The following COG6 variants were observed in gnomAD, a reference collection of about 807,000 sequenced individuals.
COG6 encodes component of oligomeric golgi complex 6, also known as conserved oligomeric Golgi complex subunit 6.
Under a neutral mutation model 88.8 loss-of-function variants are expected in COG6, and 74 were observed. That is an observed-to-expected ratio of 0.83 (90% confidence interval 0.69 to 1.01). The LOEUF is 1.01. Ranked by LOEUF, COG6 falls within the 50% of genes least tolerant of loss-of-function variation. The pLI is 0.00. For missense variants in COG6, 800 were observed against 797.9 expected (o/e 1.00, Z -0.03); for synonymous variants, 286 against 278.7 (o/e 1.03, Z -0.26).
intron 18 of COG6, among the ~76,000 whole-genome samples, chr13:39,778,534 C>T (rs9532433): frequency 6.6e-6 from 1 of 152,146 alleles, no homozygotes; most frequent in African/African-American, 2.4e-5. Context: ...ATAGCAGTAA[C>T]GTGTAGATTC....
Position 39,719,308 on chromosome 13 carries a change from T to A in COG6, c.1357T>A (p.Leu453Ile). 1 of 1,612,916 alleles carries A rather than the reference T, an allele frequency of 6.2e-7. No homozygotes were observed. The highest frequency in any genetic ancestry group is 8.5e-7 in the Non-Finnish European group (1 of 1,179,210). Residue 453 changes from leucine (L) to isoleucine (I), a missense_variant, in exon 14 of 19, where the codon TTA (leucine) becomes ATA (isoleucine). Coordinates refer to ENST00000455146, the MANE Select transcript of COG6 (RefSeq NM_020751.3). Reference sequence around the variant, plus strand: ...GACACTCATGTTGCTGCGTGAAGTTTTAGCATCTCACGATTCTTCAGTTGT... The same window carrying A: ...GACACTCATGTTGCTGCGTGAAGTTATAGCATCTCACGATTCTTCAGTTGT... ...NQTLMLLREV[L>I]ASHDSSVVPL...
intron 5 of COG6, 74 bp downstream of exon 5, chr13:39,677,653 G>A: frequency 1.3e-6 from 1 of 798,436 alleles, no homozygotes; most frequent in Non-Finnish European, 2.0e-6. Flanking sequence ...CTTTTTTGAA[G>A]CTTTATTTTC....
intron 13 of COG6, among the ~76,000 whole-genome samples, chr13:39,708,698 C>T (rs976756919): frequency 7.9e-5 from 12 of 152,096 alleles, no homozygotes; most frequent in African/African-American, 2.9e-4. Context: ...TACCTAATAC[C>T]ATGTTCTCAT....
At chr13:39,676,545 C>T (rs145696919) in intron 4 of COG6, among the ~76,000 whole-genome samples, 274 of 152,182 alleles carry the variant, frequency 1.8e-3, no homozygotes, top group African/African-American at 6.1e-3. Flanking sequence ...TCAGTAGGAG[C>T]ATTAGCATTC....
chr13:39,774,982 G>A (rs1881422449), intron 18 of COG6, among the ~76,000 whole-genome samples: 2 of 152,178 alleles, frequency 1.3e-5, no homozygotes. Flanking sequence ...CATTAAAAGA[G>A]GCTATAAAAA....
chr13:39,782,866 C>G (rs1881671491), intron 18 of COG6, among the ~76,000 whole-genome samples: 1 of 152,192 alleles, frequency 6.6e-6, no homozygotes, highest in Non-Finnish European at 1.5e-5. Context: ...AGGTTAAAAA[C>G]TAGGACTTTG....
At chr13:39,706,299 A>ATATATATATATATATTTAAATATAT (rs1877923659) in intron 13 of COG6, among the ~76,000 whole-genome samples, 1 of 145,150 alleles carries the variant, frequency 6.9e-6, no homozygotes, top group South Asian at 2.2e-4. Context: ...ATAGAGAGAG[A>ATATATATATATATATTTAAATATAT]ATGAGGAAAT....
intron 18 of COG6, among the ~76,000 whole-genome samples, chr13:39,774,634 G>T (rs1348018443): frequency 6.6e-6 from 1 of 151,814 alleles, no homozygotes; most frequent in East Asian, 1.9e-4. Context: ...GAGTGCAGTG[G>T]TGCCATCTCA....
chr13:39,754,704 C>G (rs1166117263), downstream of COG6, among the ~76,000 whole-genome samples: 1 of 151,998 alleles, frequency 6.6e-6, no homozygotes, highest in Non-Finnish European at 1.5e-5. Flanking sequence ...TTCTTAAGTA[C>G]CTACTAGGTA....
intron 18 of COG6, among the ~76,000 whole-genome samples, chr13:39,750,318 G>A (rs1324977421): frequency 6.6e-6 from 1 of 152,068 alleles, no homozygotes; most frequent in Non-Finnish European, 1.5e-5. Flanking sequence ...AACCAATACT[G>A]TTTTTTCTAG....
At chr13:39,657,505 C>G (rs1450395119) in intron 1 of COG6, among the ~76,000 whole-genome samples, 1 of 147,810 alleles carries the variant, frequency 6.8e-6, no homozygotes, top group East Asian at 2.0e-4. Context: ...AGGCTATAGT[C>G]TAAAGAAACT....
chr13:39,687,776 T>G lies in COG6; in HGVS notation c.986T>G (p.Leu329Arg). 6.2e-7 allele frequency: 1 copy of G among 1,613,802 alleles called. No individual in the cohort carries two copies. Among genetic ancestry groups the G allele is most frequent in the Non-Finnish European group, 8.5e-7 (1 of 1,179,732 alleles). The change falls in exon 10 of 19, where the codon CTC becomes CGC. Residue 329 changes from leucine (L) to arginine (R), a missense_variant. Physicochemically the swap from Leu to Arg is moderately radical, Grantham distance 102. Transcript: ENST00000455146. ...TASEKEHLEA[L>R]LKHVTTQGVE... The stretch of plus-strand genomic sequence containing the variant: ...TCTGAAAAGGAACACCTTGAAGCTC[T>G]CTTAAAGCATGTAACTACACAAGGT...
At chr13:39,767,644 G>A (rs1172584624) in intron 18 of COG6, among the ~76,000 whole-genome samples, 3 of 152,200 alleles carry the variant, frequency 2.0e-5, no homozygotes, top group Non-Finnish European at 2.9e-5. Context: ...GACTTTCAGG[G>A]AAGGAGCAGA....
At chr13:39,737,343 G>T (rs568534381) in intron 18 of COG6, among the ~76,000 whole-genome samples, 1 of 151,984 alleles carries the variant, frequency 6.6e-6, no homozygotes, top group Non-Finnish European at 1.5e-5. Context: ...TTCCCTCAAG[G>T]TCCAAGGGCT....
chr13:39,767,048 T>TGTACAGGTTA (rs1193322311), intron 18 of COG6, among the ~76,000 whole-genome samples: 1 of 152,160 alleles, frequency 6.6e-6, no homozygotes, highest in Admixed American at 6.5e-5. Flanking sequence ...CAGTGTTTTG[T>TGTACAGGTTA]GTACAGGTTA....
intron 1 of COG6, 194 bp downstream of exon 1, chr13:39,656,073 G>C: frequency 2.7e-6 from 2 of 743,406 alleles, no homozygotes; most frequent in Non-Finnish European, 4.8e-6. Flanking sequence ...AGCAACCTCC[G>C]GAAAAGCGAA....
intron 18 of COG6, among the ~76,000 whole-genome samples, chr13:39,742,187 A>G (rs1207646026): frequency 1.3e-5 from 2 of 152,146 alleles, no homozygotes; most frequent in African/African-American, 4.8e-5. Flanking sequence ...GGGAAGAAAC[A>G]GCATCAACTA....
Position 39,785,046 on chromosome 13 carries a change from G to A in COG6, c.1827-3289G>A, listed in dbSNP as rs575916775. On this transcript the variant is annotated intron_variant, in intron 18 of 18. Coordinates refer to the COG6 transcript ENST00000416691. ...TCCTTGGCCTTGATCATGGCCAACC[G>A]CAATATGCTTCAGCCTTGTGGCTAT... 1.3e-3 allele frequency among the ~76,000 whole-genome samples: 201 copies of A among 152,302 alleles called. 1 individual carries two copies. The highest frequency in any genetic ancestry group is 2.5e-3 in the Non-Finnish European group (168 of 68,026).
chr13:39,781,459 G>A (rs1881629000), intron 18 of COG6, among the ~76,000 whole-genome samples: 1 of 137,578 alleles, frequency 7.3e-6, no homozygotes, highest in Non-Finnish European at 1.6e-5. Flanking sequence ...TTTTTTTTTA[G>A]TATGAGAAAC....
Sources: gnomAD v4.1 joint callset for allele counts (sites outside exome capture counted in the v4.1 genomes callset) on GRCh38, gnomAD v4.1.1 for gene constraint, MANE v1.5 for transcripts, NCBI Gene and HGNC (gene_info 2026-07-23, HGNC 2026-07-21) for gene names.